Variants in GRIN2A observed in about 807,000 individuals in gnomAD.
GRIN2A encodes the protein glutamate ionotropic receptor NMDA type subunit 2A.
GRIN2A carries 22 observed loss-of-function variants against 113.4 expected under a neutral mutation model. The observed-to-expected ratio is 0.19, with a 90% CI of 0.14 to 0.28. The LOEUF (loss-of-function observed/expected upper bound fraction) is 0.28, where lower values mean the gene tolerates loss of function less well. Among genes scored for constraint, GRIN2A ranks in the 10% least tolerant of loss-of-function variants. GRIN2A has a pLI of 1.00. For synonymous variants in GRIN2A, 827 were observed against 738.4 expected, an observed-to-expected ratio of 1.12 and a Z score of -1.94; for missense variants, 1,502 against 1,887.0, an observed-to-expected ratio of 0.80 and a Z score of 3.78.
chr16:9,958,532 G>T (rs1232072768), intron 2 of GRIN2A, among the ~76,000 whole-genome samples: 1 of 152,062 alleles, frequency 6.6e-6, no homozygotes, highest in Non-Finnish European at 1.5e-5. Context: ...TCTGAGGTGT[G>T]ACCCAGAAAT....
intron 4 of GRIN2A, among the ~76,000 whole-genome samples, chr16:9,872,344 C>A (rs1567361465): frequency 6.6e-6 from 1 of 152,110 alleles, no homozygotes; most frequent in Non-Finnish European, 1.5e-5. Flanking sequence ...AGTCGCCAGC[C>A]CACTTTTCCT....
chr16:10,153,264 G>A (rs1040099177), intron 2 of GRIN2A, among the ~76,000 whole-genome samples: 13 of 152,076 alleles, frequency 8.5e-5, no homozygotes, highest in African/African-American at 3.1e-4. Context: ...ACCTAAGACT[G>A]CTCTTAAAAA....
At chr16:9,836,516 G>T (rs998667330) in intron 7 of GRIN2A, among the ~76,000 whole-genome samples, 4 of 152,166 alleles carry the variant, frequency 2.6e-5, no homozygotes. Flanking sequence ...TCACTAACAC[G>T]CTAGTCAGAA....
intron 4 of GRIN2A, among the ~76,000 whole-genome samples, chr16:9,856,401 A>C (rs1182123007): frequency 6.6e-6 from 1 of 151,756 alleles, no homozygotes; most frequent in Non-Finnish European, 1.5e-5. Context: ...CGGGTAGATC[A>C]CGAGGTCAGG....
At chr16:10,038,156 G>A (rs902633207) in intron 2 of GRIN2A, among the ~76,000 whole-genome samples, 4 of 152,256 alleles carry the variant, frequency 2.6e-5, no homozygotes, top group Middle Eastern at 3.4e-3. Context: ...GTCTGGTGAC[G>A]GTCAGCTTCC....
At chr16:10,129,104 C>G (rs560032599) in intron 2 of GRIN2A, among the ~76,000 whole-genome samples, 1 of 152,052 alleles carries the variant, frequency 6.6e-6, no homozygotes, top group Non-Finnish European at 1.5e-5. Context: ...AAAACAGGGT[C>G]TCGCTCTGTT....
intron 2 of GRIN2A, chr16:10,112,261 T>C (rs1242292924): frequency 6.3e-6 from 4 of 636,232 alleles, no homozygotes; most frequent in Non-Finnish European, 1.2e-5. Flanking sequence ...CAGAAGTACC[T>C]CCACCTCCAG....
At chr16:9,852,488 T>C (rs927461759) in intron 4 of GRIN2A, among the ~76,000 whole-genome samples, 4 of 152,140 alleles carry the variant, frequency 2.6e-5, no homozygotes, top group Admixed American at 6.5e-5. Context: ...GTTGCAAAGG[T>C]TTATGAGCCC....
At chr16:10,137,785 A>C (rs2049231256) in intron 2 of GRIN2A, among the ~76,000 whole-genome samples, 1 of 152,240 alleles carries the variant, frequency 6.6e-6, no homozygotes, top group Admixed American at 6.5e-5. Context: ...CATGCTTAGC[A>C]CAAAGTAAGG....
At chr16:9,999,574 A>C (rs991168074) in intron 2 of GRIN2A, among the ~76,000 whole-genome samples, 11 of 152,074 alleles carry the variant, frequency 7.2e-5, no homozygotes, top group African/African-American at 2.7e-4. Flanking sequence ...GGGGAACATC[A>C]CACACTGGGC....
intron 2 of GRIN2A, among the ~76,000 whole-genome samples, chr16:9,948,082 A>C (rs1190324983): frequency 1.3e-5 from 2 of 152,194 alleles, no homozygotes; most frequent in Non-Finnish European, 2.9e-5. Context: ...ATCGCGTGCC[A>C]AGCACTGAGG....
intron 2 of GRIN2A, among the ~76,000 whole-genome samples, chr16:10,119,848 T>C (rs989771963): frequency 2.6e-5 from 4 of 152,176 alleles, no homozygotes; most frequent in Admixed American, 2.6e-4. Context: ...GGTTTTCTGT[T>C]CCTGCATTAG....
intron 2 of GRIN2A, among the ~76,000 whole-genome samples, chr16:10,026,064 A>G (rs1484797527): frequency 6.6e-6 from 1 of 152,190 alleles, no homozygotes; most frequent in Non-Finnish European, 1.5e-5. Context: ...CCTCCTGGCC[A>G]TAGAATCTCT....
chr16:9,961,202 G>A (rs984506118), intron 2 of GRIN2A, among the ~76,000 whole-genome samples: 1 of 152,118 alleles, frequency 6.6e-6, no homozygotes, highest in African/African-American at 2.4e-5. Context: ...TCTCACTGAA[G>A]CTGTGGTCCC....
At chr16:10,103,215 T>A (rs1224470399) in intron 2 of GRIN2A, among the ~76,000 whole-genome samples, 1 of 152,160 alleles carries the variant, frequency 6.6e-6, no homozygotes, top group African/African-American at 2.4e-5. Context: ...TCCAAAGACA[T>A]ACATCTAGTC....
chr16:9,945,413 A>C (rs563301325), intron 2 of GRIN2A, among the ~76,000 whole-genome samples: 2 of 152,144 alleles, frequency 1.3e-5, no homozygotes, highest in African/African-American at 4.8e-5. Flanking sequence ...GAACAGAAGG[A>C]AAGTCAGAAC....
intron 2 of GRIN2A, among the ~76,000 whole-genome samples, chr16:9,987,532 C>CA (rs1222471834): frequency 6.6e-6 from 1 of 152,078 alleles, no homozygotes; most frequent in Non-Finnish European, 1.5e-5. Context: ...ACAAATACGC[C>CA]AAAACATATT....
intron 2 of GRIN2A, among the ~76,000 whole-genome samples, chr16:10,157,106 G>A (rs1204849646): frequency 6.6e-6 from 1 of 152,108 alleles, no homozygotes; most frequent in Non-Finnish European, 1.5e-5. Context: ...CCCTTGAGTA[G>A]GAGAGCTTCC....
At position 9,754,720 on chromosome 16, in the gene GRIN2A, AAT is replaced by A. The variant is rs1900287793; in HGVS notation, c.*8427_*8428del. 3 of 219,452 alleles carry A rather than the reference AAT, an allele frequency of 1.4e-5. No homozygotes were observed. Among genetic ancestry groups the A allele is most frequent in the Admixed American group, 1.2e-4 (2 of 17,296 alleles). 13.6% of individuals were successfully genotyped at this position (219,452 alleles called of 1,614,324 possible). On this transcript the variant is annotated 3_prime_UTR_variant, in exon 13 of 13. Coordinates refer to ENST00000330684, the MANE Select transcript of GRIN2A (RefSeq NM_001134407.3). ...GCTTGACTGAGAACAGAAATAATTA[AAT>A]AAGTCTTAGATGGCTAATGTAGAAA...
Sources: gnomAD v4.1 joint callset for allele counts (sites outside exome capture counted in the v4.1 genomes callset) on GRCh38, gnomAD v4.1.1 for gene constraint, MANE v1.5 for transcripts, NCBI Gene and HGNC (gene_info 2026-07-23, HGNC 2026-07-21) for gene names.